The following MYH9 variants were observed in gnomAD, a reference collection of about 807,000 sequenced individuals.
The protein encoded by MYH9 is myosin heavy chain 9.
In MYH9, 29 loss-of-function variants were observed where a neutral mutation model predicts 241.9. The ratio of observed to expected loss-of-function variants is 0.12; its 90% CI spans 0.09 to 0.16. MYH9 has a LOEUF of 0.16. Ranked by LOEUF, MYH9 falls within the 10% of genes least tolerant of loss-of-function variation. MYH9 has a pLI of 1.00. For synonymous variants in MYH9, 1,047 were observed against 1,062.6 expected (o/e 0.99, Z 0.29); for missense variants, 1,803 against 2,595.5 (o/e 0.69, Z 6.63).
At chr22:36,309,121 G>A (rs111971907) in intron 15 of MYH9, among the ~76,000 whole-genome samples, 161 bp downstream of exon 15, 53 of 152,324 alleles carry the variant, frequency 3.5e-4, no homozygotes, top group African/African-American at 1.2e-3. Context: ...GTTTCGGTCC[G>A]AGGAGCCCTC....
chr22:36,342,464 C>T (rs947536551), intron 2 of MYH9, among the ~76,000 whole-genome samples: 4 of 152,146 alleles, frequency 2.6e-5, no homozygotes, highest in Admixed American at 6.5e-5. Flanking sequence ...GAACCATTTC[C>T]AACAGCAACA....
chr22:36,284,880 T>C (rs1364580684), intron 38 of MYH9, among the ~76,000 whole-genome samples: 2 of 152,108 alleles, frequency 1.3e-5, no homozygotes, highest in African/African-American at 2.4e-5. Flanking sequence ...TCTGATTCAC[T>C]CTCAGACACA....
At position 36,288,437 on chromosome 22, in the gene MYH9, T is replaced by C. The variant is rs1348459124; in HGVS notation, c.4771-24A>G. On this transcript the variant is annotated intron_variant, in intron 33 of 40. Coordinates refer to ENST00000216181, the MANE Select transcript of MYH9 (RefSeq NM_002473.6). This position sits in a 1 kb window ranked among gnomAD's most constrained non-coding sequence, Gnocchi z 4.8. ...ACCTGGGGGAAGGAACATCAACAAC[T>C]TGGGAAGCTGGACCCACTGGGAGAC... 10 of 1,604,822 alleles carry C rather than the reference T, an allele frequency of 6.2e-6. No homozygotes were observed. The highest frequency in any genetic ancestry group is 8.5e-6 in the Non-Finnish European group (10 of 1,179,866).
chr22:36,295,164 G>A lies in MYH9; in HGVS notation c.3486-88C>T. 3 of 1,584,820 alleles carry A rather than the reference G, an allele frequency of 1.9e-6. No homozygotes were observed. The highest frequency in any genetic ancestry group is 8.6e-7 in the Non-Finnish European group (1 of 1,157,290). On this transcript the variant is annotated intron_variant, in intron 26 of 40. Coordinates refer to ENST00000216181, the MANE Select transcript of MYH9 (RefSeq NM_002473.6). This position sits in a 1 kb window ranked among gnomAD's most constrained non-coding sequence, Gnocchi z 4.1. ...CTCTTCCCTGACCAAAGAGAGGCCTGGCCAGGGCACAGGCACTCCAGGCAG... is the reference window on the plus strand; with the variant it reads ...CTCTTCCCTGACCAAAGAGAGGCCTAGCCAGGGCACAGGCACTCCAGGCAG...
intron 15 of MYH9, among the ~76,000 whole-genome samples, chr22:36,308,178 A>G (rs2017002290): frequency 6.6e-6 from 1 of 151,888 alleles, no homozygotes; most frequent in South Asian, 2.1e-4. Flanking sequence ...ATGCTAAGAC[A>G]CTCGCAGCCA....
intron 28 of MYH9, 75 bp downstream of exon 28, chr22:36,294,017 C>T (rs2016748855): frequency 6.5e-7 from 1 of 1,543,972 alleles, no homozygotes; most frequent in South Asian, 1.1e-5. Flanking sequence ...AGAGAGCACA[C>T]ATGCACCTGG....
At chr22:36,379,863 C>T (rs530797131) in intron 1 of MYH9, among the ~76,000 whole-genome samples, 30 of 152,304 alleles carry the variant, frequency 2.0e-4, no homozygotes, top group South Asian at 8.3e-4. Context: ...GACACCTGCC[C>T]GGGTGCTGAA....
intron 35 of MYH9, 180 bp from the exon 36 acceptor site, chr22:36,286,133 C>T: frequency 1.5e-6 from 1 of 653,596 alleles, no homozygotes. Flanking sequence ...GCTTAAACAC[C>T]ATATGTTTAT....
At position 36,306,415 on chromosome 22, in the gene MYH9, T is replaced by C; in HGVS notation, c.2036A>G (p.Lys679Arg). Reference protein sequence around the residue: ...VRCIIPNHEKKAGKLDPHLVL... With the variant: ...VRCIIPNHEKRAGKLDPHLVL... ...GGCCACCCCACCAGGCAGCCGCACC[T>C]TCTTCTCGTGGTTGGGGATGATGCA... The change falls in exon 16 of 41, where the codon AAG (lysine) becomes AGG (arginine). Residue 679 changes from lysine (K) to arginine (R), a missense_variant and splice_region_variant. Lys to Arg is a conservative substitution (Grantham distance 26). Transcript: ENST00000216181. This position sits in a 1 kb window ranked among gnomAD's most constrained non-coding sequence, Gnocchi z 4.1. 6.2e-7 allele frequency: 1 copy of C among 1,614,046 alleles called. No homozygotes were observed. Among genetic ancestry groups the C allele is most frequent in the Non-Finnish European group, 8.5e-7 (1 of 1,180,014 alleles).
rs1457319953 is a variant in MYH9 at position 36,330,050 on chromosome 22, C to T, written c.491-2562G>A. Among the ~76,000 whole-genome samples, 3 of 152,246 alleles carry T rather than the reference C, an allele frequency of 2.0e-5. No individual in the cohort carries two copies. Among genetic ancestry groups the T allele is most frequent in the Non-Finnish European group, 4.4e-5 (3 of 68,054 alleles). On this transcript the variant is annotated intron_variant, in intron 3 of 40. Transcript: ENST00000216181. This position sits in a 1 kb window ranked among gnomAD's most constrained non-coding sequence, Gnocchi z 4.5. ...GTATGTACATAGCCATGCACACACA[C>T]GGATGTATGCACAGGCACACACACT...
chr22:36,286,661 G>C lies in MYH9; in HGVS notation c.5061+57C>G. ...CCCTGTCCTCAGCTGAAAGCCCCAC[G>C]CTGCCACCTGCTGGCCGCAGGGCAG... On this transcript the variant is annotated intron_variant, in intron 35 of 40. Transcript: ENST00000216181. 6.2e-7 allele frequency: 1 copy of C among 1,604,674 alleles called. No homozygotes were observed. Among genetic ancestry groups the C allele is most frequent in the South Asian group, 1.1e-5 (1 of 90,982 alleles).
At chr22:36,380,050 C>T (rs139155624) in intron 1 of MYH9, among the ~76,000 whole-genome samples, 196 of 152,330 alleles carry the variant, frequency 1.3e-3, no homozygotes, top group Middle Eastern at 6.8e-3. Flanking sequence ...ACAGGCCGCC[C>T]GCCCATGCAG....
At chr22:36,303,824 G>A (rs1603483118) in intron 19 of MYH9, among the ~76,000 whole-genome samples, 171 bp downstream of exon 19, 1 of 149,800 alleles carries the variant, frequency 6.7e-6, no homozygotes, top group South Asian at 2.1e-4. Flanking sequence ...AGAACTGCCC[G>A]ATTCTACTCC....
rs576232278 is a variant in MYH9 at position 36,297,069 on chromosome 22, G to A, written c.3101-55C>T. 682 of 1,585,206 alleles carry A rather than the reference G, an allele frequency of 4.3e-4. 10 individuals are homozygous for A. In the South Asian group the frequency reaches 7.2e-3, roughly 17 times the overall value. Reference sequence around the variant, plus strand: ...TCAGTGCCATGGGTTCTGTCTCCGTGTCAATTACTTATACAAAATACTGAG... The same window carrying A: ...TCAGTGCCATGGGTTCTGTCTCCGTATCAATTACTTATACAAAATACTGAG... On this transcript the variant is annotated intron_variant, in intron 24 of 40. Coordinates refer to ENST00000216181, the MANE Select transcript of MYH9 (RefSeq NM_002473.6).
rs772783836 is a variant in MYH9 at position 36,314,051 on chromosome 22, C to T, written c.1554+94G>A. The T allele has an allele frequency of 6.7e-6, 10 of 1,484,390 alleles. No homozygotes were observed. The East Asian group carries it at 2.3e-4, about 34-fold the overall frequency. The allele number at this position is 1,484,390 out of a possible 1,614,324, so 92.0% of individuals were successfully genotyped here. On this transcript the variant is annotated intron_variant, in intron 13 of 40. Transcript: ENST00000216181. ...CCAAAAGGAAGGGGAGTTAAGACAC[C>T]TCCACAACCAACACAGAGCTGAGGT...
At chr22:36,321,431 A>G (rs556014837) in intron 7 of MYH9, among the ~76,000 whole-genome samples, 3 of 152,364 alleles carry the variant, frequency 2.0e-5, no homozygotes, top group South Asian at 2.1e-4. Context: ...AATGGGAACA[A>G]GAACATTCCC....
Position 36,349,146 on chromosome 22 carries a change from G to A in MYH9, c.91C>T (p.Leu31=). Reference sequence around the variant, plus strand: ...CTCTTGTCGGAAGGCACCCATACCAGCTTCTTGGCAGCCCAGTCGGCCTGG... The same window carrying A: ...CTCTTGTCGGAAGGCACCCATACCAACTTCTTGGCAGCCCAGTCGGCCTGG... ...LAQADWAAKK[L]VWVPSDKSGF... Residue 31 remains leucine (L), a synonymous_variant, in exon 2 of 41, where the codon CTG becomes TTG. Transcript: ENST00000216181. 6.2e-7 allele frequency: 1 copy of A among 1,614,110 alleles called. No individual in the cohort carries two copies. The highest frequency in any genetic ancestry group is 8.5e-7 in the Non-Finnish European group (1 of 1,179,936).
In MYH9 at chr22:36,363,611, T is replaced by C. The variant is rs556189655; in HGVS notation, c.-19-14356A>G. On this transcript the variant is annotated intron_variant, in intron 1 of 40. Transcript: ENST00000216181. The stretch of plus-strand genomic sequence containing the variant: ...ACCCTTGGCTTTGCTTTTAATTGGT[T>C]CAATATTTGCACAGTGACATCACAC... Among the ~76,000 whole-genome samples the C allele has an allele frequency of 3.9e-5, 6 of 152,300 alleles. No homozygotes were observed. In the South Asian group the frequency reaches 1.2e-3, roughly 32 times the overall value.
At chr22:36,291,020 T>C (rs1409027036) in intron 31 of MYH9, among the ~76,000 whole-genome samples, 1 of 144,524 alleles carries the variant, frequency 6.9e-6, no homozygotes, top group South Asian at 2.2e-4. Context: ...GTGAGGAGCG[T>C]CTCCGCCCGG....
Sources: allele counts gnomAD v4.1 joint callset (sites outside exome capture counted in the v4.1 genomes callset), GRCh38; gene constraint gnomAD v4.1.1; non-coding constraint Gnocchi (gnomAD v3.1); transcripts MANE v1.5; gene names NCBI Gene and HGNC (gene_info 2026-07-23, HGNC 2026-07-21).